MME: variants seen among roughly 807,000 people sequenced by gnomAD.
MME encodes neprilysin.
MME carries 98 observed loss-of-function variants against 113.2 expected under a neutral mutation model. The ratio of observed to expected loss-of-function variants is 0.87; its 90% CI spans 0.74 to 1.02. MME has a LOEUF of 1.02. Ranked by LOEUF, MME falls within the 50% of genes least tolerant of loss-of-function variation. The pLI, the probability that MME is intolerant of heterozygous loss-of-function variation, is 0.00. For missense variants in MME, 836 were observed against 896.0 expected, an observed-to-expected ratio of 0.93 and a Z score of 0.86; for synonymous variants, 292 against 300.6, an observed-to-expected ratio of 0.97 and a Z score of 0.30.
At chr3:155,176,106 C>G (rs1347608774) in intron 22 of MME, among the ~76,000 whole-genome samples, 1 of 152,158 alleles carries the variant, frequency 6.6e-6, no homozygotes. Flanking sequence ...AGGCAGTTAA[C>G]TATGTAGCCA....
chr3:155,084,775 A>G (rs1173464854), intron 2 of MME, among the ~76,000 whole-genome samples: 1 of 152,226 alleles, frequency 6.6e-6, no homozygotes, highest in Non-Finnish European at 1.5e-5. Context: ...ATGATTACCA[A>G]GCAAAAACAA....
intron 9 of MME, 43 bp from the exon 10 acceptor site, chr3:155,140,148 G>A (rs1318812165): frequency 3.6e-6 from 5 of 1,398,734 alleles, no homozygotes; most frequent in Non-Finnish European, 5.0e-6. Flanking sequence ...TTTTTCTAAA[G>A]AATTCTTAAT....
intron 22 of MME, among the ~76,000 whole-genome samples, chr3:155,178,006 A>G (rs1478406396): frequency 1.3e-5 from 2 of 152,140 alleles, no homozygotes; most frequent in East Asian, 1.9e-4. Context: ...AGGTTCTCCA[A>G]CAACCACACG....
chr3:155,079,001 C>G (rs539451497), upstream of MME, among the ~76,000 whole-genome samples: 1 of 152,096 alleles, frequency 6.6e-6, no homozygotes, highest in Non-Finnish European at 1.5e-5. Context: ...TTATTTTTCT[C>G]TTTCTCACTC....
intron 1 of MME, among the ~76,000 whole-genome samples, chr3:155,036,738 A>G (rs557453799): frequency 4.7e-4 from 72 of 152,124 alleles, no homozygotes; most frequent in African/African-American, 1.6e-3. Context: ...GAATAGTAGA[A>G]CTTTTAATTT....
rs187378519 is a variant in MME, at chr3:155,149,689, G to A, written c.1601+1036G>A. Among the ~76,000 whole-genome samples the A allele has an allele frequency of 5.4e-4, 82 of 151,714 alleles. No individual in the cohort carries two copies. In the East Asian group the frequency reaches 0.01, roughly 19 times the overall value. ...CGTGCCAAGCAAAGTACAAAGTGCT[G>A]TGGGCTTATTTGATGATAAGACTGT... On this transcript the variant is annotated intron_variant, in intron 16 of 22. Coordinates refer to ENST00000360490, the MANE Select transcript of MME (RefSeq NM_007289.4).
chr3:155,036,341 C>T (rs768520741), intron 1 of MME, among the ~76,000 whole-genome samples: 9 of 152,122 alleles, frequency 5.9e-5, no homozygotes, highest in Admixed American at 1.3e-4. Flanking sequence ...GACAGTTTTA[C>T]GCTTTTATGT....
chr3:155,175,042 C>G (rs1011063110), intron 22 of MME, among the ~76,000 whole-genome samples: 1 of 151,786 alleles, frequency 6.6e-6, no homozygotes, highest in Non-Finnish European at 1.5e-5. Flanking sequence ...ACATTTTTAT[C>G]TTAACCACTG....
In MME at chr3:155,084,424, G is replaced by C. The variant is rs12629968; in HGVS notation, c.160+97G>C. On this transcript the variant is annotated intron_variant, in intron 2 of 22. Coordinates refer to ENST00000360490, the MANE Select transcript of MME (RefSeq NM_007289.4). Reference sequence around the variant, plus strand: ...CTATCCAACGAATGTGTTAAGGATAGAGGCACTTAAAGACTGACAAAGAGA... The same window carrying C: ...CTATCCAACGAATGTGTTAAGGATACAGGCACTTAAAGACTGACAAAGAGA... 5.1e-4 allele frequency: 641 copies of C among 1,266,764 alleles called. 3 individuals carry two copies. The East Asian group carries it at 0.013, about 26-fold the overall frequency. 78.5% of individuals were successfully genotyped at this position (1,266,764 alleles called of 1,614,324 possible).
At chr3:155,159,754 TAGAC>T (rs1288241588) in intron 16 of MME, among the ~76,000 whole-genome samples, 1 of 151,998 alleles carries the variant, frequency 6.6e-6, no homozygotes, top group Non-Finnish European at 1.5e-5. Flanking sequence ...AGACATGGTA[TAGAC>T]AGACAGACAG....
intron 1 of MME, among the ~76,000 whole-genome samples, chr3:155,041,083 C>G (rs559139997): frequency 6.6e-6 from 1 of 152,276 alleles, no homozygotes; most frequent in East Asian, 1.9e-4. Flanking sequence ...TTCTAGGAAC[C>G]ATCCTTGATT....
At position 155,084,312 on chromosome 3, in the gene MME, T is replaced by C. The variant is rs1715460041; in HGVS notation, c.145T>C (p.Tyr49His). ...CATAGCTGTGACAATGATCGCACTC[T>C]ATGCAACCTACGATGGTGAGTTACT... ...TIIAVTMIAL[Y>H]ATYDDGICKS... Residue 49 changes from tyrosine (Y) to histidine (H), a missense_variant, in exon 2 of 23, where the codon TAT becomes CAT. By Grantham distance (83) the Tyr-to-His change is moderately conservative. Transcript: ENST00000360490. 2 of 1,614,196 alleles carry C rather than the reference T, an allele frequency of 1.2e-6. No homozygotes were observed. Among genetic ancestry groups the C allele is most frequent in the Non-Finnish European group, 8.5e-7 (1 of 1,180,048 alleles).
intron 8 of MME, among the ~76,000 whole-genome samples, chr3:155,125,551 C>G (rs1226454827): frequency 6.7e-6 from 1 of 149,964 alleles, no homozygotes; most frequent in Non-Finnish European, 1.5e-5. Context: ...CCTCCGCCTC[C>G]CTGGTTCAAG....
chr3:155,135,476 C>T (rs1240963170), intron 8 of MME, among the ~76,000 whole-genome samples: 2 of 137,524 alleles, frequency 1.5e-5, no homozygotes, highest in Non-Finnish European at 3.3e-5. Flanking sequence ...TGTTCTCTAT[C>T]CTGTTCCATT....
At chr3:155,158,070 G>C (rs1287243461) in intron 16 of MME, among the ~76,000 whole-genome samples, 1 of 151,968 alleles carries the variant, frequency 6.6e-6, no homozygotes, top group African/African-American at 2.4e-5. Context: ...AACTTCATTC[G>C]TGTCCTACTT....
intron 3 of MME, among the ~76,000 whole-genome samples, chr3:155,099,568 T>C (rs970165248): frequency 1.3e-5 from 2 of 152,198 alleles, no homozygotes; most frequent in African/African-American, 2.4e-5. Flanking sequence ...CTGTTCTTGA[T>C]GCTTAAGTAA....
intron 1 of MME, among the ~76,000 whole-genome samples, chr3:155,034,297 GCTT>G (rs1463958216): frequency 4.6e-5 from 7 of 152,192 alleles, no homozygotes; most frequent in African/African-American, 1.7e-4. Flanking sequence ...CCCAGAATGT[GCTT>G]TGGTTGTTTT....
intron 1 of MME, among the ~76,000 whole-genome samples, chr3:155,065,367 T>A (rs914529637): frequency 6.6e-6 from 1 of 152,162 alleles, no homozygotes; most frequent in Admixed American, 6.5e-5. Context: ...CCTACCAGAA[T>A]GGCTAGCATA....
chr3:155,158,862 AT>A, intron 16 of MME: 1 of 152,046 alleles, frequency 6.6e-6, no homozygotes, highest in East Asian at 1.9e-4. Flanking sequence ...GAGGACTGAT[AT>A]TATCAGTCCC....
Sources: allele counts gnomAD v4.1 joint callset (sites outside exome capture counted in the v4.1 genomes callset), GRCh38; gene constraint gnomAD v4.1.1; transcripts MANE v1.5; gene names NCBI Gene and HGNC (gene_info 2026-07-23, HGNC 2026-07-21).